Variants in TSNARE1 observed in about 807,000 individuals in gnomAD.
TSNARE1 encodes t-SNARE domain containing 1, also known as t-SNARE domain-containing protein 1.
In TSNARE1, 49 loss-of-function variants were observed where a neutral mutation model predicts 62.0. The observed-to-expected ratio is 0.79, with a 90% CI of 0.63 to 1.00. TSNARE1 has a LOEUF of 1.00. Among genes scored for constraint, TSNARE1 ranks in the 50% least tolerant of loss-of-function variants. TSNARE1 has a pLI of 0.00. For missense variants in TSNARE1, 755 were observed against 700.1 expected, an observed-to-expected ratio of 1.08 and a Z score of -0.88; for synonymous variants, 328 against 294.4, an observed-to-expected ratio of 1.11 and a Z score of -1.17.
intron 12 of TSNARE1, among the ~76,000 whole-genome samples, chr8:142,253,907 C>T (rs1818300808): frequency 2.0e-5 from 3 of 152,236 alleles, no homozygotes; most frequent in Admixed American, 2.0e-4. Context: ...TCAGGTTCCC[C>T]CGACCCAGGG....
intron 6 of TSNARE1, among the ~76,000 whole-genome samples, chr8:142,320,536 C>T (rs189122953): frequency 3.9e-5 from 6 of 152,302 alleles, no homozygotes; most frequent in East Asian, 3.9e-4. Flanking sequence ...TCTAGGCCCA[C>T]GTGGGTGGCC....
At chr8:142,280,324 C>T (rs1292204798) in intron 11 of TSNARE1, 1 of 985,250 alleles carries the variant, frequency 1.0e-6, no homozygotes, top group East Asian at 1.1e-4. Context: ...GCTGCTGGAC[C>T]CTGGAAAGGC....
intron 12 of TSNARE1, among the ~76,000 whole-genome samples, chr8:142,260,542 A>G (rs1053191847): frequency 2.0e-5 from 3 of 152,172 alleles, no homozygotes; most frequent in Non-Finnish European, 4.4e-5. Flanking sequence ...GGATTAACTC[A>G]GAAGCCCAAA....
chr8:142,279,640 C>T (rs944053022), intron 11 of TSNARE1, among the ~76,000 whole-genome samples: 3 of 152,176 alleles, frequency 2.0e-5, no homozygotes. Context: ...CTTCCACTAC[C>T]GAGACAGGCA....
chr8:142,286,888 G>T (rs950281129), intron 10 of TSNARE1, among the ~76,000 whole-genome samples: 5 of 152,214 alleles, frequency 3.3e-5, no homozygotes, highest in Admixed American at 2.0e-4. Flanking sequence ...GGACTTGCAG[G>T]GGCCTTCCCA....
rs140827452 is a variant in TSNARE1 at position 142,222,815 on chromosome 8, C to T, written c.*11+6658G>A. On this transcript the variant is annotated intron_variant, in intron 13 of 13. Transcript: ENST00000524325. ...ACTCATCCACTCACTCACTCATTCA[C>T]TCACTCACTCACTCATTCACTCACT... Among the ~76,000 whole-genome samples, 36 of 26,484 alleles carry T rather than the reference C, an allele frequency of 1.4e-3. 1 individual carries two copies. The highest frequency in any genetic ancestry group is 6.8e-3 in the African/African-American group (28 of 4,128). The allele number at this position is 26,484 out of a possible 152,430, so 17.4% of individuals were successfully genotyped here. A position where few individuals can be genotyped will look rare whatever the true frequency, so the allele number is the denominator to read the frequency against.
intron 6 of TSNARE1, among the ~76,000 whole-genome samples, chr8:142,330,131 G>C (rs1830802178): frequency 6.6e-6 from 1 of 152,270 alleles, no homozygotes; most frequent in African/African-American, 2.4e-5. Flanking sequence ...GGAGCTGCGG[G>C]CATCCCGCTC....
chr8:142,331,866 C>G (rs1831099762), intron 4 of TSNARE1, 35 bp from the exon 5 acceptor site: 3 of 1,581,312 alleles, frequency 1.9e-6, no homozygotes, highest in East Asian at 4.6e-5. Flanking sequence ...AGAACACAGG[C>G]TAAGGGTGAA....
Position 142,374,323 on chromosome 8 carries a change from GA to G in TSNARE1, c.-39-19561del, listed in dbSNP as rs370093132. Among the ~76,000 whole-genome samples the G allele has an allele frequency of 9.6e-3, 1,360 of 141,926 alleles. 10 individuals are homozygous for G. The highest frequency in any genetic ancestry group is 0.026 in the African/African-American group (1,012 of 38,926). 93.1% of individuals were successfully genotyped at this position (141,926 alleles called of 152,430 possible). On this transcript the variant is annotated intron_variant, in intron 1 of 13. Coordinates refer to ENST00000524325, the MANE Select transcript of TSNARE1 (RefSeq NM_145003.5). ...TAGTCTCAAAAAAACAAAAGAAAAA[GA>G]AAAAAAAAAAGACTTCAGTTCACTC... is the stretch of plus-strand genomic sequence containing the variant.
intron 12 of TSNARE1, among the ~76,000 whole-genome samples, chr8:142,238,164 G>A (rs114934250): frequency 1.2e-3 from 177 of 152,016 alleles, no homozygotes; most frequent in African/African-American, 4.1e-3. Flanking sequence ...AAGGAGTGCC[G>A]TCTGTCTCCC....
At chr8:142,292,370 G>T (rs1380276792) in intron 10 of TSNARE1, among the ~76,000 whole-genome samples, 2 of 152,242 alleles carry the variant, frequency 1.3e-5, no homozygotes, top group Non-Finnish European at 2.9e-5. Flanking sequence ...TGGGAAGGCA[G>T]GTGCGGCACC....
intron 12 of TSNARE1, among the ~76,000 whole-genome samples, chr8:142,230,726 G>A (rs1027158537): frequency 6.6e-6 from 1 of 152,012 alleles, no homozygotes; most frequent in Non-Finnish European, 1.5e-5. Context: ...TTACCCCTCT[G>A]GGTCATCAGT....
intron 12 of TSNARE1, chr8:142,271,791 C>T (rs1305865174): frequency 1.0e-5 from 8 of 781,714 alleles, no homozygotes; most frequent in Non-Finnish European, 1.4e-5. Flanking sequence ...GAGGCCTCTG[C>T]ACCTGGAGCT....
chr8:142,337,626 C>G (rs992883235), intron 4 of TSNARE1, among the ~76,000 whole-genome samples: 23 of 152,358 alleles, frequency 1.5e-4, no homozygotes, highest in African/African-American at 5.3e-4. Context: ...CTCCTCCAAG[C>G]ACTGCCTCTG....
intron 12 of TSNARE1, among the ~76,000 whole-genome samples, chr8:142,250,218 A>G (rs2130273043): frequency 6.6e-6 from 1 of 152,254 alleles, no homozygotes; most frequent in East Asian, 1.9e-4. Flanking sequence ...GGATTTTTAC[A>G]GCCATTCTCC....
intron 10 of TSNARE1, among the ~76,000 whole-genome samples, chr8:142,298,838 G>A (rs1006448167): frequency 2.2e-4 from 33 of 152,176 alleles, no homozygotes; most frequent in Non-Finnish European, 8.8e-5. Flanking sequence ...CTCTCTAGCT[G>A]TGAAGCCTTC....
chr8:142,238,875 TC>T (rs1563769563), intron 12 of TSNARE1, among the ~76,000 whole-genome samples: 1 of 150,174 alleles, frequency 6.7e-6, no homozygotes, highest in Non-Finnish European at 1.5e-5. Flanking sequence ...TCTCCCAACC[TC>T]AGCTCAGGTG....
At chr8:142,390,291 GCGGGGGA>G (rs1421538655) in intron 1 of TSNARE1, among the ~76,000 whole-genome samples, 17 of 151,562 alleles carry the variant, frequency 1.1e-4, no homozygotes, top group South Asian at 2.1e-4. Flanking sequence ...GCTGTACACT[GCGGGGGA>G]CTCCGTAACA....
chr8:142,345,039 G>A (rs943627339), intron 3 of TSNARE1, among the ~76,000 whole-genome samples: 1 of 152,196 alleles, frequency 6.6e-6, no homozygotes, highest in South Asian at 2.1e-4. Context: ...CGGTGGGGAC[G>A]TGGTGGCCTG....
Sources: gnomAD v4.1 joint callset for allele counts (sites outside exome capture counted in the v4.1 genomes callset) on GRCh38, gnomAD v4.1.1 for gene constraint, MANE v1.5 for transcripts, NCBI Gene and HGNC (gene_info 2026-07-23, HGNC 2026-07-21) for gene names.